The following OR6J1 variants were observed in gnomAD, a reference collection of about 807,000 sequenced individuals.
OR6J1 encodes olfactory receptor family 6 subfamily J member 1.
For missense variants in OR6J1, 304 were observed against 166.8 expected (o/e 1.82, Z -4.53); for synonymous variants, 109 against 70.0 (o/e 1.56, Z -2.78).
chr14:22,636,511 C>A (rs1390190328), intron 1 of OR6J1, among the ~76,000 whole-genome samples: 1 of 104,832 alleles, frequency 9.5e-6, no homozygotes, highest in Non-Finnish European at 1.8e-5. Flanking sequence ...AGCCTCCCTG[C>A]CTGATTCTCC....
rs966617553 is a variant in OR6J1 at position 22,633,402 on chromosome 14, A to C, written c.*366T>G. 13 of 191,464 alleles carry C rather than the reference A, an allele frequency of 6.8e-5. No individual in the cohort carries two copies. The East Asian group carries it at 1.8e-3, about 26-fold the overall frequency. 11.9% of individuals were successfully genotyped at this position (191,464 alleles called of 1,614,324 possible). A position where few individuals can be genotyped will look rare whatever the true frequency, so the allele number is the denominator to read the frequency against. Reference sequence around the variant, plus strand: ...AAAAGATCCTGCAGAGGATGGAAAGAAAGAGGGTCCGTGCAGAGAAGTTCA... The same window carrying C: ...AAAAGATCCTGCAGAGGATGGAAAGCAAGAGGGTCCGTGCAGAGAAGTTCA... On this transcript the variant is annotated 3_prime_UTR_variant, in exon 2 of 2. Coordinates refer to ENST00000540461, the MANE Select transcript of OR6J1 (RefSeq NM_001348233.2).
chr14:22,636,219 ACTAGCG>A (rs1181533128), intron 1 of OR6J1, among the ~76,000 whole-genome samples: 1 of 100,122 alleles, frequency 1.0e-5, no homozygotes, highest in African/African-American at 5.2e-5. Context: ...AAATTAAGAC[ACTAGCG>A]CCCTCTCCCT....
chr14:22,642,914 T>C (rs1159694549), intron 1 of OR6J1, among the ~76,000 whole-genome samples: 5 of 151,888 alleles, frequency 3.3e-5, no homozygotes, highest in African/African-American at 1.2e-4. Context: ...GTGATCCTCC[T>C]GCCTCAGCCT....
Position 22,641,266 on chromosome 14 carries a change from AAAGG to A in OR6J1, c.-28+2828_-28+2831del, listed in dbSNP as rs1555310982. The stretch of plus-strand genomic sequence containing the variant: ...GAAAGAAAGAAAGAAAGAAAGAAAG[AAAGG>A]AAGGAAGGAAGAAAGAGAAGAAAGA... On this transcript the variant is annotated intron_variant, in intron 1 of 1. Coordinates refer to ENST00000540461, the MANE Select transcript of OR6J1 (RefSeq NM_001348233.2). Among the ~76,000 whole-genome samples the A allele has an allele frequency of 9.9e-3, 1,214 of 122,850 alleles. 83 individuals carry two copies. The highest frequency in any genetic ancestry group is 0.021 in the African/African-American group (662 of 31,414). 80.6% of individuals were successfully genotyped at this position (122,850 alleles called of 152,430 possible). A position where few individuals can be genotyped will look rare whatever the true frequency, so the allele number is the denominator to read the frequency against.
rs1594903992 is a variant in OR6J1, at chr14:22,641,257, GAAA to G, written c.-28+2838_-28+2840del. Among the ~76,000 whole-genome samples, 37 of 111,710 alleles carry G rather than the reference GAAA, an allele frequency of 3.3e-4. 3 individuals are homozygous for G. The highest frequency in any genetic ancestry group is 1.7e-3 in the East Asian group (6 of 3,472). 73.3% of individuals were successfully genotyped at this position (111,710 alleles called of 152,430 possible). A position where few individuals can be genotyped will look rare whatever the true frequency, so the allele number is the denominator to read the frequency against. On this transcript the variant is annotated intron_variant, in intron 1 of 1. Transcript: ENST00000540461. ...AGAAAGAAAGAAAGAAAGAAAGAAAGAAAGAAAGAAAGGAAGGAAGGAAGAAAG... is the reference window on the plus strand; with the variant it reads ...AGAAAGAAAGAAAGAAAGAAAGAAAGGAAAGAAAGGAAGGAAGGAAGAAAG...
intron 1 of OR6J1, among the ~76,000 whole-genome samples, chr14:22,642,009 G>A (rs957855340): frequency 6.6e-6 from 1 of 152,010 alleles, no homozygotes; most frequent in South Asian, 2.1e-4. Flanking sequence ...ATCTAGTAAA[G>A]GAAGAGGACT....
intron 1 of OR6J1, among the ~76,000 whole-genome samples, chr14:22,640,485 ATTT>A (rs1299631664): frequency 4.8e-4 from 57 of 118,024 alleles, no homozygotes; most frequent in Non-Finnish European, 7.6e-4. Context: ...GTGAGAATGT[ATTT>A]TTTTTTTTTT....
intron 1 of OR6J1, among the ~76,000 whole-genome samples, chr14:22,643,117 G>A (rs2037663705): frequency 6.6e-6 from 1 of 151,666 alleles, no homozygotes; most frequent in African/African-American, 2.4e-5. Context: ...ACAGGCGTCT[G>A]CCACCACGCC....
intron 1 of OR6J1, among the ~76,000 whole-genome samples, chr14:22,643,764 C>CACACAGAG (rs1466950724): frequency 0.027 from 1,022 of 37,664 alleles, 33 homozygotes; most frequent in Non-Finnish European, 0.037. Context: ...CACACACACA[C>CACACAGAG]AGAGAGAGAG....
chr14:22,643,760 C>CAGAGAGAGAGAGAG (rs1253631755), intron 1 of OR6J1, among the ~76,000 whole-genome samples: 21 of 62,964 alleles, frequency 3.3e-4, no homozygotes, highest in East Asian at 3.1e-3. Context: ...CACACACACA[C>CAGAGAGAGAGAGAG]ACACAGAGAG....
rs59883510 is a variant in OR6J1 at position 22,633,333 on chromosome 14, A to ATGG, written c.*434_*435insCCA. On this transcript the variant is annotated 3_prime_UTR_variant, in exon 2 of 2. Transcript: ENST00000540461. ...AATCATTGCAAATGCCCGAAAAAAA[A>ATGG]ATGGATATGATAGTGGATTAGAGAA... 36,094 of 159,938 alleles carry ATGG rather than the reference A, an allele frequency of 0.23. 4,418 individuals carry two copies. Among genetic ancestry groups the ATGG allele is most frequent in the African/African-American group, 0.32 (13,287 of 41,526 alleles). 9.9% of individuals were successfully genotyped at this position (159,938 alleles called of 1,614,324 possible). A position where few individuals can be genotyped will look rare whatever the true frequency, so the allele number is the denominator to read the frequency against.
chr14:22,639,008 G>T (rs547986510), intron 1 of OR6J1, among the ~76,000 whole-genome samples: 28 of 109,994 alleles, frequency 2.5e-4, no homozygotes. Context: ...GCCTCTGCCC[G>T]GCCGAGACCC....
chr14:22,634,908 A>T (rs1466150409), intron 1 of OR6J1, 70 bp from the exon 2 acceptor site: 1 of 590,292 alleles, frequency 1.7e-6, no homozygotes, highest in African/African-American at 1.9e-5. Flanking sequence ...TGCTCACTAG[A>T]AAAATATGAA....
rs1382271271 is a variant in OR6J1, at chr14:22,632,915, C to G, written c.*853G>C. On this transcript the variant is annotated 3_prime_UTR_variant, in exon 2 of 2. Transcript: ENST00000540461. ...TCTCTGAGGGGCAGACTGGTTTCCT[C>G]TAATTATTCATCAGCTTGCACCTGG... The G allele has an allele frequency of 2.0e-5, 3 of 152,220 alleles. No individual in the cohort carries two copies. The highest frequency in any genetic ancestry group is 4.4e-5 in the Non-Finnish European group (3 of 68,046). 9.4% of individuals were successfully genotyped at this position (152,220 alleles called of 1,614,324 possible).
rs1221769057 is a variant in OR6J1, at chr14:22,641,168, AAGAG to A, written c.-28+2926_-28+2929del. 9.3e-5 allele frequency among the ~76,000 whole-genome samples: 13 copies of A among 140,222 alleles called. No individual in the cohort carries two copies. The East Asian group carries it at 1.4e-3, about 16-fold the overall frequency. The allele number at this position is 140,222 out of a possible 152,430, so 92.0% of individuals were successfully genotyped here. On this transcript the variant is annotated intron_variant, in intron 1 of 1. Transcript: ENST00000540461. Reference sequence around the variant, plus strand: ...GACAGAGTGAGACTCTGAAGAAAGAAAGAGAGAGAGAGAGAAAGAGAGACAGAGA... The same window carrying A: ...GACAGAGTGAGACTCTGAAGAAAGAAAGAGAGAGAGAAAGAGAGACAGAGA...
intron 1 of OR6J1, among the ~76,000 whole-genome samples, chr14:22,642,659 T>A (rs1358289319): frequency 6.6e-6 from 1 of 151,926 alleles, no homozygotes; most frequent in Non-Finnish European, 1.5e-5. Flanking sequence ...ATTTTAATGA[T>A]CCCTCCTCCA....
intron 1 of OR6J1, among the ~76,000 whole-genome samples, chr14:22,639,565 T>C (rs1191515735): frequency 1.6e-5 from 2 of 128,602 alleles, no homozygotes; most frequent in Non-Finnish European, 3.2e-5. Flanking sequence ...GGGGAAAAGA[T>C]TGAGAAATCG....
chr14:22,631,638 G>A lies in OR6J1; in HGVS notation c.*2130C>T, dbSNP rs151226210. On this transcript the variant is annotated 3_prime_UTR_variant, in exon 2 of 2. Coordinates refer to ENST00000540461, the MANE Select transcript of OR6J1 (RefSeq NM_001348233.2). ...TAACACAATTATCACATGGTCCTGA[G>A]GTGACATACATCTTCCTCAGCTGAC... is the stretch of plus-strand genomic sequence containing the variant. 82 of 152,308 alleles carry A rather than the reference G, an allele frequency of 5.4e-4. No individual in the cohort carries two copies. Among genetic ancestry groups the A allele is most frequent in the African/African-American group, 1.9e-3 (77 of 41,552 alleles). The allele number at this position is 152,308 out of a possible 1,614,324, so 9.4% of individuals were successfully genotyped here.
chr14:22,634,965 T>C (rs2037573892), intron 1 of OR6J1, 127 bp from the exon 2 acceptor site: 4 of 567,746 alleles, frequency 7.0e-6, no homozygotes, highest in Non-Finnish European at 1.2e-5. Flanking sequence ...CAAGTTTAGC[T>C]TGGCTTTCAA....
Sources: gnomAD v4.1 joint callset for allele counts (sites outside exome capture counted in the v4.1 genomes callset) on GRCh38, gnomAD v4.1.1 for gene constraint, MANE v1.5 for transcripts, NCBI Gene and HGNC (gene_info 2026-07-23, HGNC 2026-07-21) for gene names.